Variants in MIDN observed in about 807,000 individuals in gnomAD.
MIDN encodes the protein midbrain nucleolar protein.
MIDN carries 26 observed loss-of-function variants against 46.1 expected under a neutral mutation model. The ratio of observed to expected loss-of-function variants is 0.56; its 90% CI spans 0.41 to 0.78. The LOEUF (loss-of-function observed/expected upper bound fraction) is 0.78. Ranked by LOEUF, MIDN falls within the 30% of genes least tolerant of loss-of-function variation. The pLI is 0.00. For missense variants in MIDN, 850 were observed against 771.8 expected (o/e 1.10, Z -1.20); for synonymous variants, 432 against 343.3 (o/e 1.26, Z -2.86).
intron 2 of MIDN, among the ~76,000 whole-genome samples, chr19:1,250,840 C>T (rs1243948368): frequency 1.3e-5 from 2 of 152,048 alleles, no homozygotes; most frequent in African/African-American, 4.8e-5. Flanking sequence ...CCCCTCCCGC[C>T]TGCGTCCGCG....
intron 1 of MIDN, among the ~76,000 whole-genome samples, chr19:1,248,950 TAC>T (rs2081087894): frequency 6.6e-6 from 1 of 151,912 alleles, no homozygotes; most frequent in African/African-American, 2.4e-5. Flanking sequence ...GTCTCCCGAC[TAC>T]AGTCTTTCGT....
rs926265035 is a variant in MIDN, at chr19:1,250,998, C to T, written c.233+469C>T. On this transcript the variant is annotated intron_variant, in intron 2 of 8. Coordinates refer to ENST00000682408, the MANE Select transcript of MIDN (RefSeq NM_001388306.1). ...TTTAAATCGCCTGCAGGCCCGGAGCCCTCCCCCCGCGGGCCTCCGGGGACA... is the reference window on the plus strand; with the variant it reads ...TTTAAATCGCCTGCAGGCCCGGAGCTCTCCCCCCGCGGGCCTCCGGGGACA... Among the ~76,000 whole-genome samples, 67 of 152,110 alleles carry T rather than the reference C, an allele frequency of 4.4e-4. 2 individuals carry two copies. Among genetic ancestry groups the T allele is most frequent in the Admixed American group, 4.0e-3 (61 of 15,288 alleles).
intron 4 of MIDN, among the ~76,000 whole-genome samples, chr19:1,252,740 C>T (rs984624892): frequency 6.6e-6 from 1 of 152,092 alleles, no homozygotes; most frequent in Non-Finnish European, 1.5e-5. Flanking sequence ...CCCCGAGGCC[C>T]GCACCCCCTT....
rs1415403297 is a variant in MIDN at position 1,250,371 on chromosome 19, G to A, written c.75G>A (p.Ala25=). 1.0e-5 allele frequency: 12 copies of A among 1,156,842 alleles called. No homozygotes were observed. Among genetic ancestry groups the A allele is most frequent in the African/African-American group, 1.7e-5 (1 of 60,420 alleles). The allele number at this position is 1,156,842 out of a possible 1,614,324, so 71.7% of individuals were successfully genotyped here. The change falls in exon 2 of 9, where the codon GCG becomes GCA. Residue 25 remains alanine, a synonymous_variant. Transcript: ENST00000682408. The part of the protein sequence containing the change: ...APGGACELGP[A]AEAAPMSLAI... ...GCGGCGCCTGCGAGCTGGGCCCGGC[G>A]GCCGAGGCGGCGCCCATGAGCCTCG...
intron 3 of MIDN, 83 bp from the exon 4 acceptor site, chr19:1,251,756 A>T (rs1306318787): frequency 1.3e-6 from 2 of 1,498,848 alleles, no homozygotes; most frequent in South Asian, 1.2e-5. Flanking sequence ...CCACCCCGCC[A>T]GCCAGCAGGG....
At position 1,254,378 on chromosome 19, in the gene MIDN, C is replaced by T. The variant is rs748646040; in HGVS notation, c.725C>T (p.Ala242Val). 1.5e-5 allele frequency: 24 copies of T among 1,559,838 alleles called. No individual in the cohort carries two copies. In the East Asian group the frequency reaches 4.9e-4, roughly 32 times the overall value. Residue 242 changes from alanine (A) to valine (V), a missense_variant, in exon 6 of 9, where the codon GCC becomes GTC. Transcript: ENST00000682408. ...CCCTGCCGGCCGGTGTCCAGTGCCG[C>T]CCGAGTCCCCCCGGTGCCCACCAGC... Reference protein sequence around the residue: ...SSPCRPVSSAARVPPVPTSPS... With the variant: ...SSPCRPVSSAVRVPPVPTSPS...
At position 1,255,684 on chromosome 19, in the gene MIDN, C is replaced by T. The variant is rs995723884; in HGVS notation, c.1248C>T (p.Cys416=). ...LLQGQSQIRM[C]KPPGDRLRQT... is the part of the protein sequence containing the mutation. ...AGGGCCAGAGCCAGATCCGCATGTG[C>T]AAGCCCCCGGGTGAGTGGCCACCCT... The change falls in exon 8 of 9, where the codon TGC becomes TGT. Residue 416 remains cysteine, a synonymous_variant. Coordinates refer to ENST00000682408, the MANE Select transcript of MIDN (RefSeq NM_001388306.1). 4 of 1,584,312 alleles carry T rather than the reference C, an allele frequency of 2.5e-6. No individual in the cohort carries two copies. Among genetic ancestry groups the T allele is most frequent in the Admixed American group, 3.4e-5 (2 of 58,698 alleles).
chr19:1,253,884 C>T (rs2081164218), intron 4 of MIDN, 70 bp from the exon 5 acceptor site: 1 of 1,305,498 alleles, frequency 7.7e-7, no homozygotes, highest in Non-Finnish European at 9.8e-7. Context: ...GCCTCAGTTT[C>T]CCCTTGCAAG....
chr19:1,251,490 C>T, intron 2 of MIDN, 72 bp from the exon 3 acceptor site: 21 of 1,389,676 alleles, frequency 1.5e-5, no homozygotes, highest in South Asian at 2.5e-5. Flanking sequence ...GCACAGCCCT[C>T]CCCCGCGGCC....
rs141103063 is a variant in MIDN, at chr19:1,255,997, C to T, written c.1258+303C>T. 3.1e-3 allele frequency among the ~76,000 whole-genome samples: 474 copies of T among 152,372 alleles called. 2 individuals carry two copies. The highest frequency in any genetic ancestry group is 4.0e-3 in the Non-Finnish European group (273 of 68,034). On this transcript the variant is annotated intron_variant, in intron 8 of 8. Coordinates refer to ENST00000682408, the MANE Select transcript of MIDN (RefSeq NM_001388306.1). ...GAATGGCCAAGTCAGGCCTGGCAGG[C>T]CGAGGCGGGGCCAGAGCCCACCCCT... is the stretch of plus-strand genomic sequence containing the variant.
At position 1,255,767 on chromosome 19, in the gene MIDN, G is replaced by A. The variant is rs948441553; in HGVS notation, c.1258+73G>A. ...TCTCAAGGCCCCTCTGTGTGAGCTG[G>A]TGGGCTCAGGAGCAGCTGACCTGCC... On this transcript the variant is annotated intron_variant, in intron 8 of 8. Transcript: ENST00000682408. The A allele has an allele frequency of 2.2e-5, 30 of 1,378,656 alleles. No individual in the cohort carries two copies. The African/African-American group carries it at 2.3e-4, about 11-fold the overall frequency. 85.4% of individuals were successfully genotyped at this position (1,378,656 alleles called of 1,614,324 possible). A position where few individuals can be genotyped will look rare whatever the true frequency, so the allele number is the denominator to read the frequency against.
intron 1 of MIDN, among the ~76,000 whole-genome samples, chr19:1,249,255 G>A (rs1214319107): frequency 6.7e-6 from 1 of 148,882 alleles, no homozygotes; most frequent in Non-Finnish European, 1.5e-5. Flanking sequence ...ACCGAGGTGC[G>A]GGCGCCCCGC....
intron 3 of MIDN, 64 bp downstream of exon 3, chr19:1,251,713 G>C (rs1055951235): frequency 1.2e-5 from 18 of 1,537,554 alleles, no homozygotes; most frequent in Non-Finnish European, 1.6e-5. Context: ...CCCCTCCCTC[G>C]GTACCTGTCC....
intron 2 of MIDN, 100 bp from the exon 3 acceptor site, chr19:1,251,462 C>T (rs2081126706): frequency 3.8e-6 from 4 of 1,059,278 alleles, no homozygotes; most frequent in Admixed American, 2.6e-5. Context: ...GGGAACTTAT[C>T]CGTCTCTCCC....
chr19:1,257,028 C>T lies in MIDN; in HGVS notation c.1292C>T (p.Thr431Met), dbSNP rs149895689. Residue 431 changes from threonine (T) to methionine (M), a missense_variant, in exon 9 of 9, where the codon ACG becomes ATG. Thr to Met is a moderately conservative substitution (Grantham distance 81). Transcript: ENST00000682408. ...CTTCGGCAGACAGAAAACCGCGCCA[C>T]GCGCTGCAAGGTGGAACGGCTGCAG... Reference protein sequence around the residue: ...DRLRQTENRATRCKVERLQLL... With the variant: ...DRLRQTENRAMRCKVERLQLL... 4.2e-4 allele frequency: 674 copies of T among 1,611,716 alleles called. 1 individual carries two copies. The highest frequency in any genetic ancestry group is 5.3e-4 in the Non-Finnish European group (628 of 1,179,934).
chr19:1,254,187 C>A lies in MIDN; in HGVS notation c.534C>A (p.Gly178=). 6.3e-7 allele frequency: 1 copy of A among 1,597,882 alleles called. No individual in the cohort carries two copies. Among genetic ancestry groups the A allele is most frequent in the Non-Finnish European group, 8.5e-7 (1 of 1,177,466 alleles). The change falls in exon 6 of 9, where the codon GGC becomes GGA. Residue 178 remains glycine, a synonymous_variant. Transcript: ENST00000682408. ...TGCAGGTCAGTGACTTCCTGTCGGG[C>A]CGTTCGCCACTGACACTGGCCTTGC... ...ERPQVSDFLS[G]RSPLTLALRV...
intron 4 of MIDN, among the ~76,000 whole-genome samples, chr19:1,252,613 C>T (rs945358536): frequency 2.4e-4 from 36 of 152,142 alleles, no homozygotes; most frequent in Non-Finnish European, 4.4e-4. Flanking sequence ...AGACAAGGGC[C>T]CTGGCCACCT....
chr19:1,250,554 G>GC (rs1192070590), intron 2 of MIDN, 25 bp downstream of exon 2: 2 of 1,158,886 alleles, frequency 1.7e-6, no homozygotes, highest in Non-Finnish European at 2.2e-6. Context: ...CCCCCGGCCG[G>GC]CCGCCCCCTC....
In MIDN at chr19:1,250,198, C is replaced by T; in HGVS notation, c.-99C>T. 2.2e-5 allele frequency: 9 copies of T among 408,864 alleles called. No homozygotes were observed. The highest frequency in any genetic ancestry group is 3.0e-5 in the Non-Finnish European group (9 of 303,004). 25.3% of individuals were successfully genotyped at this position (408,864 alleles called of 1,614,324 possible). A position where few individuals can be genotyped will look rare whatever the true frequency, so the allele number is the denominator to read the frequency against. On this transcript the variant is annotated 5_prime_UTR_variant, in exon 2 of 9. Transcript: ENST00000682408. The stretch of plus-strand genomic sequence containing the variant: ...GCGCTGCTCCGCGCCCCCGAGTGCC[C>T]GGAGGACCCGGCATCCGGGGAGCCT...
Sources: allele counts gnomAD v4.1 joint callset (sites outside exome capture counted in the v4.1 genomes callset), GRCh38; gene constraint gnomAD v4.1.1; transcripts MANE v1.5; gene names NCBI Gene and HGNC (gene_info 2026-07-23, HGNC 2026-07-21).